Variants in UNC13D observed in about 807,000 individuals in gnomAD.
UNC13D encodes protein unc-13 homolog D.
A neutral mutation model predicts 151.7 loss-of-function variants in UNC13D; 115 were observed. That is an observed-to-expected ratio of 0.76 (90% CI 0.65 to 0.88). The LOEUF (loss-of-function observed/expected upper bound fraction) is 0.88, where lower values mean the gene tolerates loss of function less well. Ranked by LOEUF, UNC13D falls within the 40% of genes least tolerant of loss-of-function variation. The pLI is 0.00. For synonymous variants in UNC13D, 588 were observed against 612.2 expected, an observed-to-expected ratio of 0.96 and a Z score of 0.58; for missense variants, 1,369 against 1,438.7, an observed-to-expected ratio of 0.95 and a Z score of 0.78.
At chr17:75,841,135 C>CTTTT (rs34691954) in intron 6 of UNC13D, 134 bp from the exon 7 acceptor site, 207 of 307,162 alleles carry the variant, frequency 6.7e-4, no homozygotes, top group African/African-American at 3.2e-3. Flanking sequence ...AGCCGCATCC[C>CTTTT]TTTTTTTTTT....
chr17:75,843,107 G>C, intron 3 of UNC13D, 34 bp from the exon 4 acceptor site: 2 of 1,606,444 alleles, frequency 1.2e-6, no homozygotes, highest in Non-Finnish European at 1.7e-6. Flanking sequence ...GTGGCTGGGG[G>C]CACCAGACAG....
chr17:75,840,356 G>A lies in UNC13D; in HGVS notation c.754-27C>T. 2 of 1,611,614 alleles carry A rather than the reference G, an allele frequency of 1.2e-6. No homozygotes were observed. The highest frequency in any genetic ancestry group is 1.7e-6 in the Non-Finnish European group (2 of 1,178,730). Reference sequence around the variant, plus strand: ...TGACAGGCGGGGATGCCCAGCCCGTGAGCGTCAGAACCTCATAGAGTCGGG... The same window carrying A: ...TGACAGGCGGGGATGCCCAGCCCGTAAGCGTCAGAACCTCATAGAGTCGGG... On this transcript the variant is annotated intron_variant, in intron 9 of 31. Coordinates refer to ENST00000207549, the MANE Select transcript of UNC13D (RefSeq NM_199242.3). The surrounding 1 kb of genome is among the most constrained non-coding windows in gnomAD (Gnocchi z 4.6).
intron 31 of UNC13D, 74 bp from the exon 32 acceptor site, chr17:75,828,160 TG>T (rs1344026996): frequency 5.2e-6 from 8 of 1,532,788 alleles, no homozygotes; most frequent in African/African-American, 2.8e-5. Flanking sequence ...GAAGAGTGTG[TG>T]GGGGGGTACA....
In UNC13D at chr17:75,844,269, G is replaced by A; in HGVS notation, c.69C>T (p.Arg23=). ...GATCCTGTAGATCTCTGACTCTGCG[G>A]CGCCTTATCTTGATGGCCTGGCGCA... is the stretch of plus-strand genomic sequence containing the variant. The part of the protein sequence containing the change: ...PFLRQAIKIR[R]RRVRDLQDPP... Residue 23 remains arginine (R), a synonymous_variant, in exon 1 of 32, where the codon CGC becomes CGT. Transcript: ENST00000207549. 1 of 1,612,776 alleles carries A rather than the reference G, an allele frequency of 6.2e-7. No homozygotes were observed. The highest frequency in any genetic ancestry group is 8.5e-7 in the Non-Finnish European group (1 of 1,179,980).
chr17:75,831,271 G>A lies in UNC13D; in HGVS notation c.2525C>T (p.Ala842Val), dbSNP rs749065266. The change falls in exon 26 of 32, where the codon GCT becomes GTT. Residue 842 changes from alanine to valine, a missense_variant. By Grantham distance (64) the Ala-to-Val change is moderately conservative. Transcript: ENST00000207549. ...AAASQRSSSL[A>V]SNRLKIALQN... ...CAGGGCAATCTTCAGCCTGTTGGAA[G>A]CCAGGGATGAGCTGCGCTGGGAGGC... 5 of 1,614,062 alleles carry A rather than the reference G, an allele frequency of 3.1e-6. No homozygotes were observed. In the South Asian group the frequency reaches 3.3e-5, roughly 11 times the overall value.
Position 75,830,371 on chromosome 17 carries a change from C to A in UNC13D, c.2821G>T (p.Asp941Tyr). ...GGCAGCCTCCACTCACCATTGGAGT[C>A]CAGGGGCAGCAGGCTGGAGGCGCTG... is the stretch of plus-strand genomic sequence containing the variant. ...LLSASSLLPL[D>Y]SNGSSDPFVQ... Residue 941 changes from aspartate to tyrosine, a missense_variant, in exon 29 of 32, where the codon GAC becomes TAC. By Grantham distance (160) the Asp-to-Tyr change is radical. Around this residue, in one of 3 missense-constraint regions of UNC13D, gnomAD observed 807 missense variants for 795.5 expected, o/e 1.01. Coordinates refer to ENST00000207549, the MANE Select transcript of UNC13D (RefSeq NM_199242.3). 1 of 1,592,538 alleles carries A rather than the reference C, an allele frequency of 6.3e-7. No individual in the cohort carries two copies. The highest frequency in any genetic ancestry group is 1.1e-5 in the South Asian group (1 of 87,716).
At position 75,834,621 on chromosome 17, in the gene UNC13D, G is replaced by T. The variant is rs1242710961; in HGVS notation, c.2088C>A (p.Asn696Lys). 6.2e-7 allele frequency: 1 copy of T among 1,613,864 alleles called. No homozygotes were observed. The highest frequency in any genetic ancestry group is 1.3e-5 in the African/African-American group (1 of 75,068). Residue 696 changes from asparagine (N) to lysine (K), a missense_variant, in exon 22 of 32, where the codon AAC becomes AAA. Asn to Lys is a moderately conservative substitution (Grantham distance 94). Coordinates refer to ENST00000207549, the MANE Select transcript of UNC13D (RefSeq NM_199242.3). ...CCAGCCCCAGCTCTGGCCTTACCAT[G>T]TTGGCTGCCTGGCCTTGGTCCTTCT... is the stretch of plus-strand genomic sequence containing the variant. ...SGQKDQGQAA[N>K]MLCVVVNDME...
In UNC13D at chr17:75,832,845, G is replaced by C. The variant is rs138761498; in HGVS notation, c.2447+121C>G. The C allele has an allele frequency of 1.3e-3, 1,210 of 947,596 alleles. 15 individuals carry two copies. In the African/African-American group the frequency reaches 0.018, roughly 14 times the overall value. The allele number at this position is 947,596 out of a possible 1,614,324, so 58.7% of individuals were successfully genotyped here. A position where few individuals can be genotyped will look rare whatever the true frequency, so the allele number is the denominator to read the frequency against. ...CCGTGGGAGGAGAGGGGGAGGTGGC[G>C]AGCGCGCCCAGGGCAGGGGCTGCTA... is the stretch of plus-strand genomic sequence containing the variant. On this transcript the variant is annotated intron_variant, in intron 25 of 31. Transcript: ENST00000207549. The surrounding 1 kb of genome is among the most constrained non-coding windows in gnomAD (Gnocchi z 4.3).
intron 6 of UNC13D, among the ~76,000 whole-genome samples, chr17:75,841,606 T>C (rs2064950133): frequency 6.7e-6 from 1 of 149,118 alleles, no homozygotes; most frequent in Admixed American, 6.7e-5. Context: ...CACGCCCGGC[T>C]AATTTTTGTA....
At chr17:75,838,300 C>T (rs1294590431) in intron 12 of UNC13D, among the ~76,000 whole-genome samples, 2 of 151,708 alleles carry the variant, frequency 1.3e-5, no homozygotes, top group African/African-American at 4.9e-5. Flanking sequence ...GTCACTGCAA[C>T]CTCCACCTCC....
Position 75,830,458 on chromosome 17 carries a change from C to A in UNC13D, c.2734G>T (p.Gly912Trp), listed in dbSNP as rs1448705064. 1 of 1,589,710 alleles carries A rather than the reference C, an allele frequency of 6.3e-7. No individual in the cohort carries two copies. The highest frequency in any genetic ancestry group is 8.6e-7 in the Non-Finnish European group (1 of 1,168,844). ...TAGGAGGCCTTGACTGTCACAGCCC[C>A]CAGCTCCTCAGAGGTGGTTTCTGCC... ...QQAETTSEEL[G>W]AVTVKASYRA... Residue 912 changes from glycine to tryptophan, a missense_variant, in exon 29 of 32, where the codon GGG becomes TGG. Physicochemically the swap from Gly to Trp is radical, Grantham distance 184 (BLOSUM62 -2). Transcript: ENST00000207549.
chr17:75,831,382 C>A (rs1567817240), intron 25 of UNC13D, 34 bp from the exon 26 acceptor site: 4 of 1,583,992 alleles, frequency 2.5e-6, no homozygotes, highest in Non-Finnish European at 2.6e-6. Flanking sequence ...GGACACAGCA[C>A]GGCAGGGCGG....
intron 5 of UNC13D, 30 bp from the exon 6 acceptor site, chr17:75,842,643 C>T: frequency 6.2e-7 from 1 of 1,609,756 alleles, no homozygotes; most frequent in Non-Finnish European, 8.5e-7. Context: ...ACGAGGCAGC[C>T]AGGGAGTCGG....
chr17:75,835,247 G>C (rs984112343), intron 20 of UNC13D, 162 bp downstream of exon 20: 5 of 1,364,208 alleles, frequency 3.7e-6, no homozygotes, highest in Middle Eastern at 2.6e-4. Context: ...ACAGCCCCAA[G>C]GATATCCAGA....
At position 75,827,801 on chromosome 17, in the gene UNC13D, A is replaced by G; in HGVS notation, c.*164T>C. On this transcript the variant is annotated 3_prime_UTR_variant, in exon 32 of 32. Transcript: ENST00000207549. ...ATGTCGCTGCTGAGCCCCCATCACC[A>G]TGGGAGGCAGGGGAGGTCTGCACTC... is the stretch of plus-strand genomic sequence containing the variant. The G allele has an allele frequency of 6.7e-7, 1 of 1,483,238 alleles. No homozygotes were observed. Among genetic ancestry groups the G allele is most frequent in the Non-Finnish European group, 9.0e-7 (1 of 1,115,958 alleles). 91.9% of individuals were successfully genotyped at this position (1,483,238 alleles called of 1,614,324 possible).
At chr17:75,835,223 G>T in intron 20 of UNC13D, 160 bp from the exon 21 acceptor site, 1 of 1,423,622 alleles carries the variant, frequency 7.0e-7, no homozygotes, top group Non-Finnish European at 9.5e-7. Context: ...CAGGATCTCA[G>T]GCAAAGTGAA....
At chr17:75,837,974 CT>C (rs944872755) in intron 12 of UNC13D, among the ~76,000 whole-genome samples, 8 of 152,138 alleles carry the variant, frequency 5.3e-5, no homozygotes, top group African/African-American at 1.9e-4. Context: ...TGCTTGGGCC[CT>C]GCAGGCAAAC....
chr17:75,830,253 G>T (rs548771105), intron 29 of UNC13D, 102 bp from the exon 30 acceptor site: 5 of 1,554,680 alleles, frequency 3.2e-6, no homozygotes, highest in Non-Finnish European at 3.5e-6. Context: ...CTGGTAACTG[G>T]AGGAAATGCA....
intron 12 of UNC13D, among the ~76,000 whole-genome samples, chr17:75,838,590 C>T (rs1056505991): frequency 6.6e-6 from 1 of 152,170 alleles, no homozygotes; most frequent in African/African-American, 2.4e-5. Context: ...CCCCGGCATT[C>T]CTAGGACTTG....
Sources: allele counts gnomAD v4.1 joint callset (sites outside exome capture counted in the v4.1 genomes callset), GRCh38; gene constraint gnomAD v4.1.1; regional missense constraint gnomAD v4.1.1; non-coding constraint Gnocchi (gnomAD v3.1); transcripts MANE v1.5; gene names NCBI Gene and HGNC (gene_info 2026-07-23, HGNC 2026-07-21).